CSNK1G1: variants seen among roughly 807,000 people sequenced by gnomAD.
CSNK1G1 encodes the protein casein kinase 1 gamma 1.
In CSNK1G1, 22 loss-of-function variants were observed where a neutral mutation model predicts 59.6. The ratio of observed to expected loss-of-function variants is 0.37; its 90% confidence interval spans 0.26 to 0.53. The LOEUF is 0.53. Ranked by LOEUF, CSNK1G1 falls within the 20% of genes least tolerant of loss-of-function variation. The pLI, the probability that CSNK1G1 is intolerant of heterozygous loss-of-function variation, is 0.89. For synonymous variants in CSNK1G1, 179 were observed against 177.1 expected (o/e 1.01, Z -0.08); for missense variants, 384 against 519.5 (o/e 0.74, Z 2.54).
chr15:64,271,495 C>T (rs1180905390), intron 2 of CSNK1G1, among the ~76,000 whole-genome samples: 1 of 150,376 alleles, frequency 6.6e-6, no homozygotes, highest in Non-Finnish European at 1.5e-5. Context: ...CGCCATGTTG[C>T]CCAGGCTGGT....
intron 1 of CSNK1G1, among the ~76,000 whole-genome samples, chr15:64,323,983 A>G (rs1017821974): frequency 2.0e-5 from 3 of 152,200 alleles, no homozygotes; most frequent in Admixed American, 1.3e-4. Flanking sequence ...TTAATTCATT[A>G]AATCCTTCCA....
At chr15:64,231,783 T>A (rs558306031) in intron 4 of CSNK1G1, among the ~76,000 whole-genome samples, 34 of 152,196 alleles carry the variant, frequency 2.2e-4, no homozygotes, top group Non-Finnish European at 4.1e-4. Flanking sequence ...TTATATGCAT[T>A]TTAAAAATAT....
rs965413148 is a variant in CSNK1G1, at chr15:64,214,731, T to G, written c.445-607A>C. Among the ~76,000 whole-genome samples the G allele has an allele frequency of 3.9e-5, 6 of 151,994 alleles. No individual in the cohort carries two copies. Among genetic ancestry groups the G allele is most frequent in the African/African-American group, 9.7e-5 (4 of 41,382 alleles). On this transcript the variant is annotated intron_variant, in intron 5 of 11. Coordinates refer to ENST00000303052, the MANE Select transcript of CSNK1G1 (RefSeq NM_022048.5). The surrounding 1 kb of genome is among the most constrained non-coding windows in gnomAD (Gnocchi z 4.3). ...AGGGTGGAGTGCAGCCTCAGCCTCC[T>G]GGGTTCTAGCAATTCTCGTGCCTCA...
chr15:64,252,038 T>C (rs1420479784), intron 3 of CSNK1G1, among the ~76,000 whole-genome samples: 1 of 152,002 alleles, frequency 6.6e-6, no homozygotes. Flanking sequence ...AAAAATCATC[T>C]GTGATCCTGT....
At chr15:64,337,453 A>G (rs1221448347) in intron 1 of CSNK1G1, among the ~76,000 whole-genome samples, 2 of 152,072 alleles carry the variant, frequency 1.3e-5, no homozygotes, top group Non-Finnish European at 2.9e-5. Flanking sequence ...GGTTCAAGCT[A>G]TTCTACCACT....
At chr15:64,187,112 C>T (rs28428709) in intron 10 of CSNK1G1, among the ~76,000 whole-genome samples, 21,279 of 152,082 alleles carry the variant, frequency 0.14, 2,738 homozygotes, top group African/African-American at 0.34. Context: ...CGAGCCACCA[C>T]GCCTGGCCAT....
At chr15:64,330,009 G>A (rs1463701196) in intron 1 of CSNK1G1, among the ~76,000 whole-genome samples, 4 of 151,264 alleles carry the variant, frequency 2.6e-5, no homozygotes, top group Non-Finnish European at 5.9e-5. Context: ...CCAGTAACAG[G>A]AGCTGAAATT....
Position 64,216,838 on chromosome 15 carries a change from A to G in CSNK1G1, c.293-125T>C. 2.2e-6 allele frequency: 2 copies of G among 920,272 alleles called. No individual in the cohort carries two copies. The highest frequency in any genetic ancestry group is 1.6e-6 in the Non-Finnish European group (1 of 627,106). 57.0% of individuals were successfully genotyped at this position (920,272 alleles called of 1,614,324 possible). A position where few individuals can be genotyped will look rare whatever the true frequency, so the allele number is the denominator to read the frequency against. On this transcript the variant is annotated intron_variant, in intron 4 of 11. Transcript: ENST00000303052. The surrounding 1 kb of genome is among the most constrained non-coding windows in gnomAD (Gnocchi z 4.6). Reference sequence around the variant, plus strand: ...ATTTGTGAGATTTCCATTTTCTTTCATAGTCCCTACTGGAAACTCAAACTG... The same window carrying G: ...ATTTGTGAGATTTCCATTTTCTTTCGTAGTCCCTACTGGAAACTCAAACTG...
chr15:64,184,442 C>T (rs1216547086), intron 10 of CSNK1G1, among the ~76,000 whole-genome samples: 1 of 151,918 alleles, frequency 6.6e-6, no homozygotes, highest in African/African-American at 2.4e-5. Context: ...TTTGGGAGGC[C>T]GAGACAGGTG....
chr15:64,183,963 C>T (rs2081854829), intron 10 of CSNK1G1, among the ~76,000 whole-genome samples: 1 of 152,106 alleles, frequency 6.6e-6, no homozygotes, highest in Non-Finnish European at 1.5e-5. Flanking sequence ...TCTTGAACTC[C>T]TGACCCCAAG....
In CSNK1G1 at chr15:64,172,000, A is replaced by G; in HGVS notation, c.1215-15T>C. ...AACAGCAGCACCTGGAGCACAAGGA[A>G]CATTGCAAGTCAGTGCGGGAGGCCT... On this transcript the variant is annotated splice_polypyrimidine_tract_variant and intron_variant, in intron 11 of 11. Coordinates refer to ENST00000303052, the MANE Select transcript of CSNK1G1 (RefSeq NM_022048.5). This position sits in a 1 kb window ranked among gnomAD's most constrained non-coding sequence, Gnocchi z 4.8. The G allele has an allele frequency of 6.2e-7, 1 of 1,613,108 alleles. No homozygotes were observed. The highest frequency in any genetic ancestry group is 8.5e-7 in the Non-Finnish European group (1 of 1,179,374).
chr15:64,336,358 CTTTCT>C (rs1897389970), intron 1 of CSNK1G1, among the ~76,000 whole-genome samples: 1 of 152,176 alleles, frequency 6.6e-6, no homozygotes, highest in African/African-American at 2.4e-5. Flanking sequence ...TCCTTTCTTC[CTTTCT>C]TATTTGTTTT....
chr15:64,215,628 T>C (rs1042077212), intron 5 of CSNK1G1, among the ~76,000 whole-genome samples: 2 of 152,214 alleles, frequency 1.3e-5, no homozygotes, highest in African/African-American at 2.4e-5. Flanking sequence ...GGAGAGACCA[T>C]TACCATTTTA....
chr15:64,295,656 T>C (rs1334290004), intron 2 of CSNK1G1, among the ~76,000 whole-genome samples: 1 of 152,058 alleles, frequency 6.6e-6, no homozygotes, highest in Non-Finnish European at 1.5e-5. Context: ...GAGAGAGAAA[T>C]GGAAGAATAA....
intron 6 of CSNK1G1, among the ~76,000 whole-genome samples, chr15:64,208,599 T>C (rs189141781): frequency 3.9e-5 from 6 of 152,342 alleles, no homozygotes; most frequent in Admixed American, 2.0e-4. Flanking sequence ...AGTGTTGTGA[T>C]CATGGCTCAC....
intron 1 of CSNK1G1, among the ~76,000 whole-genome samples, chr15:64,329,103 TAGAC>T (rs1896991463): frequency 6.6e-6 from 1 of 151,064 alleles, no homozygotes; most frequent in Admixed American, 6.6e-5. Flanking sequence ...CTGTCAACAT[TAGAC>T]AGATCAACGA....
intron 4 of CSNK1G1, among the ~76,000 whole-genome samples, chr15:64,237,058 A>G (rs2082625410): frequency 6.6e-6 from 1 of 152,230 alleles, no homozygotes; most frequent in African/African-American, 2.4e-5. Context: ...ATCATTCATA[A>G]GTGCTAAAAA....
chr15:64,201,173 G>T (rs1486276003), intron 10 of CSNK1G1, among the ~76,000 whole-genome samples: 1 of 150,486 alleles, frequency 6.6e-6, no homozygotes, highest in Non-Finnish European at 1.5e-5. Flanking sequence ...TTGGGAGGCT[G>T]AGACAGGAGA....
chr15:64,220,556 G>T (rs2082375300), intron 4 of CSNK1G1, among the ~76,000 whole-genome samples: 1 of 150,274 alleles, frequency 6.7e-6, no homozygotes, highest in Non-Finnish European at 1.5e-5. Flanking sequence ...GAGTGCAGTT[G>T]CATGATCTTA....
Sources: gnomAD v4.1 joint callset for allele counts (sites outside exome capture counted in the v4.1 genomes callset) on GRCh38, gnomAD v4.1.1 for gene constraint, Gnocchi (gnomAD v3.1) non-coding constraint, MANE v1.5 for transcripts, NCBI Gene and HGNC (gene_info 2026-07-23, HGNC 2026-07-21) for gene names.